Variants in SF3A1 observed in about 807,000 individuals in gnomAD.
SF3A1 encodes the protein splicing factor 3a subunit 1.
A neutral mutation model predicts 89.9 loss-of-function variants in SF3A1; 13 were observed. The ratio of observed to expected loss-of-function variants is 0.14; its 90% CI spans 0.09 to 0.23. The LOEUF is 0.23. Among genes scored for constraint, SF3A1 ranks in the 10% least tolerant of loss-of-function variants. The pLI, the probability that SF3A1 is intolerant of heterozygous loss-of-function variation, is 1.00. For synonymous variants in SF3A1, 405 were observed against 374.4 expected, an observed-to-expected ratio of 1.08 and a Z score of -0.94; for missense variants, 604 against 1,022.1, an observed-to-expected ratio of 0.59 and a Z score of 5.58.
chr22:30,347,077 T>A (rs1028299641), intron 2 of SF3A1, among the ~76,000 whole-genome samples: 1 of 152,032 alleles, frequency 6.6e-6, no homozygotes, highest in African/African-American at 2.4e-5. Context: ...CTGAAAGACA[T>A]GAAAATTTAG....
intron 4 of SF3A1, among the ~76,000 whole-genome samples, chr22:30,344,007 G>A (rs1931343981): frequency 6.6e-6 from 1 of 152,226 alleles, no homozygotes; most frequent in South Asian, 2.1e-4. Flanking sequence ...CATGACATGT[G>A]TAGCAAGAAA....
At chr22:30,342,667 C>G (rs1931297481) in intron 5 of SF3A1, 138 bp downstream of exon 5, 2 of 679,612 alleles carry the variant, frequency 2.9e-6, no homozygotes, top group East Asian at 2.6e-5. Context: ...GTTTCTTTGG[C>G]CTTTGTAGCC....
intron 11 of SF3A1, 65 bp downstream of exon 11, chr22:30,338,724 C>T: frequency 6.2e-7 from 1 of 1,605,804 alleles, no homozygotes; most frequent in Non-Finnish European, 8.5e-7. Flanking sequence ...ACTTCTCAGC[C>T]AACAGTGTCC....
Position 30,338,810 on chromosome 22 carries a change from A to C in SF3A1, c.1722T>G (p.Thr574=). Reference sequence around the variant, plus strand: ...TTACTGTGGGTGGTCGGGGCACTGAAGTGATGGGTGGAGCCGAGCTGGGGA... The same window carrying C: ...TTACTGTGGGTGGTCGGGGCACTGACGTGATGGGTGGAGCCGAGCTGGGGA... ...TNIPSSAPPI[T]SVPRPPTMPP... The change falls in exon 11 of 16, where the codon ACT becomes ACG. Residue 574 remains threonine, a synonymous_variant. Coordinates refer to ENST00000215793, the MANE Select transcript of SF3A1 (RefSeq NM_005877.6). The C allele has an allele frequency of 6.2e-7, 1 of 1,614,008 alleles. No homozygotes were observed. The highest frequency in any genetic ancestry group is 8.5e-7 in the Non-Finnish European group (1 of 1,179,942).
intron 2 of SF3A1, among the ~76,000 whole-genome samples, chr22:30,352,094 T>G (rs546844072): frequency 1.0e-4 from 12 of 120,524 alleles, no homozygotes; most frequent in South Asian, 2.7e-4. Flanking sequence ...CCGGAGCAAT[T>G]CCCATTCCAT....
intron 3 of SF3A1, 88 bp downstream of exon 3, chr22:30,346,224 T>G: frequency 6.6e-6 from 6 of 903,622 alleles, no homozygotes; most frequent in South Asian, 1.5e-5. Context: ...TGGGTGGTTG[T>G]GAGATTTGGA....
chr22:30,346,472 T>C lies in SF3A1; in HGVS notation c.233A>G (p.Asn78Ser). Residue 78 changes from asparagine (N) to serine (S), a missense_variant, in exon 3 of 16, where the codon AAC (asparagine) becomes AGC (serine). Physicochemically the swap from Asn to Ser is conservative, Grantham distance 46 (BLOSUM62 1). This residue lies in a region of SF3A1 where 162 missense variants were observed against 229.2 expected (regional missense o/e 0.71). Transcript: ENST00000215793. ...GGGGTTCAGAAAGTTGAACTTGGGG[T>C]TGTTGATCTCGTTCTGTCGGATCCT... is the stretch of plus-strand genomic sequence containing the variant. ...EARIRQNEIN[N>S]PKFNFLNPND... 6.2e-7 allele frequency: 1 copy of C among 1,613,886 alleles called. No individual in the cohort carries two copies. Among genetic ancestry groups the C allele is most frequent in the Non-Finnish European group, 8.5e-7 (1 of 1,179,964 alleles).
At chr22:30,343,474 C>T (rs192664165) in intron 4 of SF3A1, among the ~76,000 whole-genome samples, 3 of 152,318 alleles carry the variant, frequency 2.0e-5, no homozygotes, top group South Asian at 4.1e-4. Context: ...AGAACAAATG[C>T]TGCCTTTGTT....
intron 1 of SF3A1, among the ~76,000 whole-genome samples, chr22:30,354,088 G>A (rs1489828144): frequency 6.6e-6 from 1 of 152,180 alleles, no homozygotes; most frequent in Non-Finnish European, 1.5e-5. Flanking sequence ...TCCACTGGAA[G>A]GCTCAGCACT....
intron 4 of SF3A1, 54 bp from the exon 5 acceptor site, chr22:30,342,933 G>C: frequency 8.5e-7 from 1 of 1,172,204 alleles, no homozygotes; most frequent in African/African-American, 1.5e-5. Flanking sequence ...GCAGTACAAA[G>C]AGGCAGCCTT....
intron 13 of SF3A1, 83 bp downstream of exon 13, chr22:30,336,943 T>C (rs1011093087): frequency 5.9e-6 from 9 of 1,535,658 alleles, no homozygotes; most frequent in African/African-American, 5.5e-5. Context: ...GGGAGTGAAA[T>C]AGGGTCAGTT....
chr22:30,335,961 A>G (rs1265240158), intron 13 of SF3A1, among the ~76,000 whole-genome samples: 1 of 152,126 alleles, frequency 6.6e-6, no homozygotes, highest in South Asian at 2.1e-4. Flanking sequence ...AACAATCTCT[A>G]TCTTGTCTCT....
At chr22:30,341,169 G>A (rs929328662) in intron 7 of SF3A1, among the ~76,000 whole-genome samples, 7 of 152,230 alleles carry the variant, frequency 4.6e-5, no homozygotes, top group Non-Finnish European at 8.8e-5. Flanking sequence ...CAGCAATGCT[G>A]GGAGGGAGAG....
chr22:30,344,882 G>A (rs781375366), intron 4 of SF3A1, 51 bp downstream of exon 4: 1 of 1,590,820 alleles, frequency 6.3e-7, no homozygotes, highest in East Asian at 2.2e-5. Context: ...CCAAGCATAA[G>A]ATGTTTTCCT....
rs1931162122 is a variant in SF3A1 at position 30,338,853 on chromosome 22, G to A, written c.1679C>T (p.Pro560Leu). ...GCTGGGGATGTTGGTGGCTGAAGATGGTGGCGGTGGCTGTTGAGGGATTTC... is the reference window on the plus strand; with the variant it reads ...GCTGGGGATGTTGGTGGCTGAAGATAGTGGCGGTGGCTGTTGAGGGATTTC... ...PNEIPQQPPP[P>L]SSATNIPSSA... is the part of the protein sequence containing the mutation. The change falls in exon 11 of 16, where the codon CCA becomes CTA. Residue 560 changes from proline (P) to leucine (L), a missense_variant. Pro to Leu is a moderately conservative substitution (Grantham distance 98, BLOSUM62 -3). Transcript: ENST00000215793. The A allele has an allele frequency of 6.2e-7, 1 of 1,614,124 alleles. No homozygotes were observed. Among genetic ancestry groups the A allele is most frequent in the Admixed American group, 1.7e-5 (1 of 60,016 alleles).
intron 9 of SF3A1, among the ~76,000 whole-genome samples, chr22:30,339,697 A>G (rs1931187608): frequency 6.6e-6 from 1 of 152,222 alleles, no homozygotes; most frequent in African/African-American, 2.4e-5. Context: ...CGGAAGTTGC[A>G]GTAGCCAACA....
intron 4 of SF3A1, among the ~76,000 whole-genome samples, chr22:30,343,518 C>G (rs1441789565): frequency 6.6e-6 from 1 of 152,238 alleles, no homozygotes; most frequent in Non-Finnish European, 1.5e-5. Flanking sequence ...CTGCCACTGG[C>G]AAAGTGGCTC....
intron 9 of SF3A1, 40 bp from the exon 10 acceptor site, chr22:30,339,291 A>G: frequency 6.2e-7 from 1 of 1,610,042 alleles, no homozygotes; most frequent in Non-Finnish European, 8.5e-7. Flanking sequence ...TAGAAAGAGA[A>G]AATAAACCAG....
In SF3A1 at chr22:30,335,492, G is replaced by A. The variant is rs756205820; in HGVS notation, c.2255C>T (p.Ala752Val). ...VKIHEATGMP[A>V]GKQKLQYEGI... ...CTCATACTGTAGCTTCTGTTTCCCTGCAGGCATGCCTGTGGCTTCATGAAT... is the reference window on the plus strand; with the variant it reads ...CTCATACTGTAGCTTCTGTTTCCCTACAGGCATGCCTGTGGCTTCATGAAT... Residue 752 changes from alanine to valine, a missense_variant, in exon 15 of 16, where the codon GCA becomes GTA. Transcript: ENST00000215793. 6.2e-7 allele frequency: 1 copy of A among 1,614,148 alleles called. No individual in the cohort carries two copies. The highest frequency in any genetic ancestry group is 1.7e-5 in the Admixed American group (1 of 60,022).
Sources: allele counts gnomAD v4.1 joint callset (sites outside exome capture counted in the v4.1 genomes callset), GRCh38; gene constraint gnomAD v4.1.1; regional missense constraint gnomAD v4.1.1; transcripts MANE v1.5; gene names NCBI Gene and HGNC (gene_info 2026-07-23, HGNC 2026-07-21).